CACHD1: variants seen among roughly 807,000 people sequenced by gnomAD.
The protein encoded by CACHD1 is cache domain containing 1.
A neutral mutation model predicts 138.7 loss-of-function variants in CACHD1; 71 were observed. The ratio of observed to expected loss-of-function variants is 0.51; its 90% CI spans 0.42 to 0.62. The LOEUF (loss-of-function observed/expected upper bound fraction) is 0.62. Among genes scored for constraint, CACHD1 ranks in the 20% least tolerant of loss-of-function variants. CACHD1 has a pLI of 0.00. For missense variants in CACHD1, 1,389 were observed against 1,625.3 expected, an observed-to-expected ratio of 0.85 and a Z score of 2.50; for synonymous variants, 578 against 591.5, an observed-to-expected ratio of 0.98 and a Z score of 0.33.
chr1:64,639,273 A>G (rs780427645), intron 7 of CACHD1, among the ~76,000 whole-genome samples: 1 of 152,200 alleles, frequency 6.6e-6, no homozygotes, highest in Non-Finnish European at 1.5e-5. Flanking sequence ...TAGGGACTCA[A>G]GCAATTTTTG....
chr1:64,682,029 C>T lies in CACHD1; in HGVS notation c.3509C>T (p.Ala1170Val), dbSNP rs1429142528. The change falls in exon 26 of 27, where the codon GCG (alanine) becomes GTG (valine). Residue 1170 changes from alanine to valine, a missense_variant. Physicochemically the swap from Ala to Val is moderately conservative, Grantham distance 64. This residue lies in a region of CACHD1 where 250 missense variants were observed against 292.9 expected (regional missense o/e 0.85). Transcript: ENST00000651257. ...GTCAGCAACACTCGGTTTATAGCTG[C>T]GGTCATCGAACGACATGCACACAGT... ...GIISNTRFIA[A>V]VIERHAHSPE... The T allele has an allele frequency of 6.2e-6, 10 of 1,614,030 alleles. No homozygotes were observed. Among genetic ancestry groups the T allele is most frequent in the South Asian group, 3.3e-5 (3 of 91,072 alleles).
chr1:64,507,742 G>T (rs1273486373), intron 1 of CACHD1, among the ~76,000 whole-genome samples: 1 of 152,190 alleles, frequency 6.6e-6, no homozygotes, highest in East Asian at 1.9e-4. Flanking sequence ...GCTTCTTTTT[G>T]ATTTGTCAAA....
chr1:64,661,317 C>A (rs1649432902), intron 13 of CACHD1, among the ~76,000 whole-genome samples: 2 of 152,104 alleles, frequency 1.3e-5, no homozygotes, highest in South Asian at 2.1e-4. Context: ...TCATCTAAGG[C>A]AATTAAATAT....
At chr1:64,615,680 G>GA (rs1412095221) in intron 4 of CACHD1, among the ~76,000 whole-genome samples, 24 of 152,256 alleles carry the variant, frequency 1.6e-4, no homozygotes, top group African/African-American at 4.6e-4. Flanking sequence ...GGACTTCGGT[G>GA]AAAAAAGGAT....
At chr1:64,494,654 G>A (rs1233474481) in intron 1 of CACHD1, among the ~76,000 whole-genome samples, 1 of 152,132 alleles carries the variant, frequency 6.6e-6, no homozygotes, top group Non-Finnish European at 1.5e-5. Context: ...ATTCTTTATT[G>A]CTTAAATTGA....
In CACHD1 at chr1:64,691,377, AC is replaced by A; in HGVS notation, c.3645del (p.Leu1216CysfsTer14). ...EDSENPPCNN[D>X]PLSAGVDVGN... ...AGTGAAAATCCTCCATGCAACAATG[AC>A]CCCTTGTCAGCCGGGGTCGATGTGG... is the stretch of plus-strand genomic sequence containing the variant. On this transcript the variant is annotated frameshift_variant, in exon 27 of 27. Transcript: ENST00000651257. LOFTEE classifies it high-confidence loss of function. 2.5e-6 allele frequency: 4 copies of A among 1,613,932 alleles called. No homozygotes were observed. The highest frequency in any genetic ancestry group is 3.4e-6 in the Non-Finnish European group (4 of 1,179,998).
At chr1:64,624,941 A>C (rs1482865127) in intron 4 of CACHD1, among the ~76,000 whole-genome samples, 2 of 152,212 alleles carry the variant, frequency 1.3e-5, no homozygotes, top group African/African-American at 4.8e-5. Context: ...CTTGCCAGTG[A>C]TTTTTGTAAA....
At chr1:64,531,008 T>G (rs1174277038) in intron 1 of CACHD1, among the ~76,000 whole-genome samples, 1 of 151,942 alleles carries the variant, frequency 6.6e-6, no homozygotes, top group Non-Finnish European at 1.5e-5. Context: ...TCTAGGAATT[T>G]GTTTTTAAAA....
At chr1:64,516,855 T>A (rs1646463149) in intron 1 of CACHD1, among the ~76,000 whole-genome samples, 1 of 152,228 alleles carries the variant, frequency 6.6e-6, no homozygotes, top group African/African-American at 2.4e-5. Flanking sequence ...AAACTGTTCC[T>A]CCTAGTAAAC....
At chr1:64,684,179 G>C (rs1650278383) in intron 26 of CACHD1, among the ~76,000 whole-genome samples, 1 of 152,120 alleles carries the variant, frequency 6.6e-6, no homozygotes, top group South Asian at 2.1e-4. Context: ...TATTTTTTGA[G>C]ACGGAGTCTC....
At chr1:64,569,567 C>CG (rs1304270209) in intron 2 of CACHD1, among the ~76,000 whole-genome samples, 3 of 149,656 alleles carry the variant, frequency 2.0e-5, no homozygotes, top group Admixed American at 6.6e-5. Context: ...AGAGGAGCAG[C>CG]GGGGGCCTTG....
chr1:64,648,723 C>A lies in CACHD1; in HGVS notation c.1390+689C>A, dbSNP rs566349855. 3.9e-5 allele frequency among the ~76,000 whole-genome samples: 6 copies of A among 152,076 alleles called. No individual in the cohort carries two copies. The East Asian group carries it at 1.2e-3, about 29-fold the overall frequency. Reference sequence around the variant, plus strand: ...ACCGTCATCCTGATGCCTAAGTTACCCATAACAGGATGTTGAGTAAAGTAC... The same window carrying A: ...ACCGTCATCCTGATGCCTAAGTTACACATAACAGGATGTTGAGTAAAGTAC... On this transcript the variant is annotated intron_variant, in intron 9 of 26. Coordinates refer to ENST00000651257, the MANE Select transcript of CACHD1 (RefSeq NM_020925.4).
At chr1:64,498,283 G>T (rs1646318150) in intron 1 of CACHD1, among the ~76,000 whole-genome samples, 1 of 152,154 alleles carries the variant, frequency 6.6e-6, no homozygotes, top group Non-Finnish European at 1.5e-5. Context: ...AATCACTCAT[G>T]TACAGTACCA....
At position 64,692,273 on chromosome 1, in the gene CACHD1, A is replaced by C. The variant is rs1450889394; in HGVS notation, c.*712A>C. ...GATATCCCACTGCCCCACTCCACAA[A>C]ATAGGAAAATGAAGAAATCTTTCTC... On this transcript the variant is annotated 3_prime_UTR_variant, in exon 27 of 27. Coordinates refer to ENST00000651257, the MANE Select transcript of CACHD1 (RefSeq NM_020925.4). The C allele has an allele frequency of 1.3e-5, 2 of 152,242 alleles. No homozygotes were observed. Among genetic ancestry groups the C allele is most frequent in the African/African-American group, 4.8e-5 (2 of 41,442 alleles). The allele number at this position is 152,242 out of a possible 1,614,324, so 9.4% of individuals were successfully genotyped here. A position where few individuals can be genotyped will look rare whatever the true frequency, so the allele number is the denominator to read the frequency against.
At chr1:64,639,549 G>A (rs778077636) in intron 7 of CACHD1, among the ~76,000 whole-genome samples, 5 of 152,180 alleles carry the variant, frequency 3.3e-5, no homozygotes, top group Non-Finnish European at 5.9e-5. Flanking sequence ...AGTATTAGGA[G>A]TAAATAAGAG....
chr1:64,664,406 C>T (rs1484424769), intron 14 of CACHD1, 92 bp from the exon 15 acceptor site: 2 of 1,279,134 alleles, frequency 1.6e-6, no homozygotes, highest in Admixed American at 2.1e-5. Context: ...CTTGGCTTCT[C>T]TGCAACAGAG....
chr1:64,475,085 G>A (rs1303294431), intron 1 of CACHD1, among the ~76,000 whole-genome samples: 3 of 151,924 alleles, frequency 2.0e-5, no homozygotes, highest in East Asian at 3.9e-4. Flanking sequence ...AAGATATAAA[G>A]CAATGTTGTA....
chr1:64,474,771 T>C (rs1281887799), intron 1 of CACHD1, among the ~76,000 whole-genome samples: 1 of 152,238 alleles, frequency 6.6e-6, no homozygotes, highest in Non-Finnish European at 1.5e-5. Flanking sequence ...CATTTAACAT[T>C]ATAGGACAGT....
At chr1:64,663,973 GC>G in intron 14 of CACHD1, 136 bp downstream of exon 14, 2 of 1,149,190 alleles carry the variant, frequency 1.7e-6, no homozygotes, top group Non-Finnish European at 2.4e-6. Flanking sequence ...AGAGTGTGTG[GC>G]CCAGGGGAGG....
Sources: allele counts gnomAD v4.1 joint callset (sites outside exome capture counted in the v4.1 genomes callset), GRCh38; gene constraint gnomAD v4.1.1; regional missense constraint gnomAD v4.1.1; transcripts MANE v1.5; gene names NCBI Gene and HGNC (gene_info 2026-07-23, HGNC 2026-07-21).